CADPS2: variants seen among roughly 807,000 people sequenced by gnomAD.
CADPS2 encodes calcium dependent secretion activator 2.
A neutral mutation model predicts 172.5 loss-of-function variants in CADPS2; 93 were observed. The observed-to-expected ratio is 0.54, with a 90% confidence interval of 0.46 to 0.64. The LOEUF (loss-of-function observed/expected upper bound fraction) is 0.64. CADPS2 is among the 30% of genes least tolerant of loss of function. CADPS2 has a pLI of 0.00. For missense variants in CADPS2, 1,420 were observed against 1,565.9 expected (o/e 0.91, Z 1.57); for synonymous variants, 546 against 555.2 (o/e 0.98, Z 0.23).
At chr7:122,705,276 G>A (rs180973669) in intron 2 of CADPS2, among the ~76,000 whole-genome samples, 88 of 151,248 alleles carry the variant, frequency 5.8e-4, no homozygotes, top group Non-Finnish European at 1.0e-3. Context: ...GAGAGAGACT[G>A]GATGATTGAG....
intron 5 of CADPS2, among the ~76,000 whole-genome samples, chr7:122,620,824 C>T (rs118180169): frequency 0.029 from 4,481 of 152,080 alleles, 90 homozygotes; most frequent in South Asian, 0.092. Flanking sequence ...AAAGGAATTC[C>T]CAAATTACAA....
At chr7:122,669,612 G>A (rs535923306) in intron 2 of CADPS2, among the ~76,000 whole-genome samples, 3 of 151,894 alleles carry the variant, frequency 2.0e-5, no homozygotes, top group South Asian at 4.1e-4. Flanking sequence ...ATGAAGACCC[G>A]TTCTCTTGGC....
At chr7:122,383,423 C>G (rs942563417) in intron 24 of CADPS2, among the ~76,000 whole-genome samples, 1 of 151,892 alleles carries the variant, frequency 6.6e-6, no homozygotes, top group African/African-American at 2.4e-5. Flanking sequence ...CACATGTACC[C>G]CCATATCGAC....
At chr7:122,383,417 T>G (rs997623221) in intron 24 of CADPS2, among the ~76,000 whole-genome samples, 2 of 152,040 alleles carry the variant, frequency 1.3e-5, no homozygotes, top group African/African-American at 4.8e-5. Flanking sequence ...AAACTACACA[T>G]GTACCCCCAT....
At chr7:122,418,242 G>A (rs1435455643) in intron 17 of CADPS2, among the ~76,000 whole-genome samples, 1 of 151,786 alleles carries the variant, frequency 6.6e-6, no homozygotes, top group Non-Finnish European at 1.5e-5. Context: ...CGCTTCCCAC[G>A]TGTTAGCACA....
chr7:122,468,084 A>G (rs576368842), intron 14 of CADPS2, among the ~76,000 whole-genome samples: 1 of 152,322 alleles, frequency 6.6e-6, no homozygotes, highest in Non-Finnish European at 1.5e-5. Context: ...ACACACCTAG[A>G]GAGCTCAACA....
chr7:122,709,774 G>A (rs956775935), intron 2 of CADPS2, among the ~76,000 whole-genome samples: 6 of 151,878 alleles, frequency 4.0e-5, no homozygotes, highest in Non-Finnish European at 8.8e-5. Flanking sequence ...GGATGAAATT[G>A]GAAATCATCA....
At chr7:122,420,515 C>T (rs1453345769) in intron 17 of CADPS2, among the ~76,000 whole-genome samples, 1 of 152,144 alleles carries the variant, frequency 6.6e-6, no homozygotes. Context: ...TTGGCTAAGG[C>T]CAAGAAGTTT....
intron 8 of CADPS2, among the ~76,000 whole-genome samples, chr7:122,528,790 T>G (rs1390213779): frequency 6.6e-6 from 1 of 152,156 alleles, no homozygotes; most frequent in East Asian, 1.9e-4. Context: ...GGATATTTTT[T>G]GTTAAAACTG....
chr7:122,720,208 G>A (rs1050646502), intron 2 of CADPS2, among the ~76,000 whole-genome samples: 2 of 151,902 alleles, frequency 1.3e-5, no homozygotes, highest in African/African-American at 4.8e-5. Flanking sequence ...GGCAGTAAAC[G>A]TATGCCATAA....
chr7:122,710,082 C>CCAA (rs2088454088), intron 2 of CADPS2, among the ~76,000 whole-genome samples: 1 of 140,544 alleles, frequency 7.1e-6, no homozygotes. Context: ...TCTGCCAACC[C>CCAA]AAAAAAAAAA....
chr7:122,643,807 T>A (rs554041935), intron 3 of CADPS2, among the ~76,000 whole-genome samples: 2 of 152,086 alleles, frequency 1.3e-5, no homozygotes, highest in South Asian at 2.1e-4. Flanking sequence ...TATAAAACCA[T>A]GGACTTGGCA....
chr7:122,878,693 G>A (rs905422454), intron 1 of CADPS2, among the ~76,000 whole-genome samples: 1 of 145,722 alleles, frequency 6.9e-6, no homozygotes, highest in East Asian at 2.0e-4. Context: ...TAAATACAAA[G>A]TTGTCATAAG....
chr7:122,811,255 A>T (rs1427862833), intron 1 of CADPS2, among the ~76,000 whole-genome samples: 1 of 152,212 alleles, frequency 6.6e-6, no homozygotes, highest in Admixed American at 6.5e-5. Flanking sequence ...AAAAGTAAGG[A>T]CAAATAAATT....
At chr7:122,664,860 C>A (rs1481672703) in intron 2 of CADPS2, among the ~76,000 whole-genome samples, 1 of 152,104 alleles carries the variant, frequency 6.6e-6, no homozygotes, top group Admixed American at 6.5e-5. Flanking sequence ...TCACAGCTCA[C>A]TGCAGCCTTG....
chr7:122,714,953 A>AAGTGTG (rs2089374864), intron 2 of CADPS2, among the ~76,000 whole-genome samples: 1 of 152,136 alleles, frequency 6.6e-6, no homozygotes, highest in Non-Finnish European at 1.5e-5. Context: ...GTTAAACGTC[A>AAGTGTG]TACAGCTATA....
chr7:122,658,898 T>C lies in CADPS2; in HGVS notation c.786+4339A>G, dbSNP rs898945388. Among the ~76,000 whole-genome samples the C allele has an allele frequency of 2.6e-5, 4 of 151,480 alleles. No individual in the cohort carries two copies. In the East Asian group the frequency reaches 7.8e-4, roughly 29 times the overall value. ...TAAAGTATAATAAAAAAATTAAAAATAAGGAGATTTAATAATATGTAAAAA... is the reference window on the plus strand; with the variant it reads ...TAAAGTATAATAAAAAAATTAAAAACAAGGAGATTTAATAATATGTAAAAA... On this transcript the variant is annotated intron_variant, in intron 3 of 29. Transcript: ENST00000449022.
intron 4 of CADPS2, among the ~76,000 whole-genome samples, chr7:122,626,857 T>C (rs2192017): frequency 0.5 from 76,703 of 152,138 alleles, 19,541 homozygotes; most frequent in East Asian, 0.68. Context: ...CTATCATGAA[T>C]TTGGTCACAG....
intron 1 of CADPS2, among the ~76,000 whole-genome samples, chr7:122,865,527 T>A (rs1027138816): frequency 2.0e-5 from 3 of 152,182 alleles, no homozygotes; most frequent in African/African-American, 4.8e-5. Flanking sequence ...TCTACTCTCC[T>A]CAGAGAAGTA....
Sources: allele counts gnomAD v4.1 joint callset (sites outside exome capture counted in the v4.1 genomes callset), GRCh38; gene constraint gnomAD v4.1.1; transcripts MANE v1.5; gene names NCBI Gene and HGNC (gene_info 2026-07-23, HGNC 2026-07-21).